Variants in ELOVL6 observed in about 807,000 individuals in gnomAD.
ELOVL6 encodes ELOVL fatty acid elongase 6, also known as very long chain fatty acid elongase 6.
ELOVL6 carries 8 observed loss-of-function variants against 31.7 expected under a neutral mutation model. That is an observed-to-expected ratio of 0.25 (90% CI 0.15 to 0.45). The LOEUF is 0.45. Among genes scored for constraint, ELOVL6 ranks in the 20% least tolerant of loss-of-function variants. The pLI is 1.00. For missense variants in ELOVL6, 126 were observed against 326.4 expected (o/e 0.39, Z 4.73); for synonymous variants, 101 against 117.7 (o/e 0.86, Z 0.92).
intron 2 of ELOVL6, among the ~76,000 whole-genome samples, chr4:110,071,643 CCA>C (rs1190459464): frequency 6.6e-6 from 1 of 152,124 alleles, no homozygotes; most frequent in Non-Finnish European, 1.5e-5. Context: ...AGCCTTCCCT[CCA>C]CAGTTTCCTC....
Position 110,084,391 on chromosome 4 carries a change from T to C in ELOVL6, c.221+21106A>G, listed in dbSNP as rs201386864. On this transcript the variant is annotated intron_variant, in intron 2 of 3. Coordinates refer to ENST00000302274, the MANE Select transcript of ELOVL6 (RefSeq NM_024090.3). ...TATGATATATGATATATATCGCATA[T>C]ATGATATATGATATATGACATACAT... is the stretch of plus-strand genomic sequence containing the variant. Among the ~76,000 whole-genome samples, 350 of 107,620 alleles carry C rather than the reference T, an allele frequency of 3.3e-3. 3 individuals are homozygous for C. Among genetic ancestry groups the C allele is most frequent in the African/African-American group, 7.7e-3 (216 of 28,188 alleles). 70.6% of individuals were successfully genotyped at this position (107,620 alleles called of 152,430 possible).
At chr4:110,117,903 A>AAAAATTAT in intron 1 of ELOVL6, 1 of 6,506 alleles carries the variant, frequency 1.5e-4, no homozygotes, top group African/African-American at 3.3e-4. Flanking sequence ...AAAAAAAAAA[A>AAAAATTAT]ATATATATAT....
At chr4:110,107,433 C>T (rs1216284930) in intron 1 of ELOVL6, among the ~76,000 whole-genome samples, 1 of 152,128 alleles carries the variant, frequency 6.6e-6, no homozygotes, top group Non-Finnish European at 1.5e-5. Context: ...CAAACACTAA[C>T]AGAAAGTTGT....
intron 2 of ELOVL6, among the ~76,000 whole-genome samples, chr4:110,078,629 A>G (rs1019322867): frequency 2.0e-5 from 3 of 152,242 alleles, no homozygotes; most frequent in African/African-American, 7.2e-5. Context: ...CAGCCACTGC[A>G]AAAACATGCC....
intron 1 of ELOVL6, among the ~76,000 whole-genome samples, chr4:110,143,621 A>G (rs886240508): frequency 6.6e-6 from 1 of 151,294 alleles, no homozygotes; most frequent in Non-Finnish European, 1.5e-5. Context: ...CAGACCTCCT[A>G]AAAAGGAACC....
Position 110,142,996 on chromosome 4 carries a change from G to T in ELOVL6, c.90-37368C>A, listed in dbSNP as rs144964776. ...GAATGGCCCTTTGCTTACTTCCACA[G>T]ATCCTTAAATCTACCAGTTAGAAGC... On this transcript the variant is annotated intron_variant, in intron 1 of 3. Coordinates refer to ENST00000302274, the MANE Select transcript of ELOVL6 (RefSeq NM_024090.3). 8.0e-3 allele frequency among the ~76,000 whole-genome samples: 1,221 copies of T among 152,212 alleles called. 5 individuals carry two copies. The highest frequency in any genetic ancestry group is 0.027 in the Middle Eastern group (8 of 292).
At chr4:110,121,103 T>C (rs1757346528) in intron 1 of ELOVL6, among the ~76,000 whole-genome samples, 1 of 152,184 alleles carries the variant, frequency 6.6e-6, no homozygotes, top group Non-Finnish European at 1.5e-5. Flanking sequence ...TGGGTGGATG[T>C]AAGCCAAGAC....
At chr4:110,154,680 A>C (rs2126266724) in intron 1 of ELOVL6, among the ~76,000 whole-genome samples, 1 of 152,338 alleles carries the variant, frequency 6.6e-6, no homozygotes, top group East Asian at 1.9e-4. Flanking sequence ...CATCAGACCC[A>C]AACCGAATTT....
At chr4:110,091,346 T>C (rs1756423057) in intron 2 of ELOVL6, among the ~76,000 whole-genome samples, 2 of 152,218 alleles carry the variant, frequency 1.3e-5, no homozygotes, top group Admixed American at 1.3e-4. Context: ...AGAGGTAGGC[T>C]GTCTGTTCAC....
chr4:110,123,285 C>T (rs1757403768), intron 1 of ELOVL6, among the ~76,000 whole-genome samples: 1 of 152,098 alleles, frequency 6.6e-6, no homozygotes, highest in South Asian at 2.1e-4. Flanking sequence ...TCTTATAGCT[C>T]TTTTCCCTTA....
At chr4:110,082,645 AATG>A (rs1476832425) in intron 2 of ELOVL6, among the ~76,000 whole-genome samples, 1 of 152,130 alleles carries the variant, frequency 6.6e-6, no homozygotes, top group Non-Finnish European at 1.5e-5. Flanking sequence ...CCTAATGTTA[AATG>A]ATGAGTTAAT....
intron 1 of ELOVL6, among the ~76,000 whole-genome samples, chr4:110,108,607 C>T (rs1199335476): frequency 6.6e-6 from 1 of 152,176 alleles, no homozygotes; most frequent in Non-Finnish European, 1.5e-5. Context: ...GCCCAATTTC[C>T]TCCTTCGACA....
At chr4:110,084,025 G>GTTATATAT (rs1560813569) in intron 2 of ELOVL6, among the ~76,000 whole-genome samples, 102 of 7,430 alleles carry the variant, frequency 0.014, 10 homozygotes, top group East Asian at 0.037. Flanking sequence ...TATAACATAT[G>GTTATATAT]CCATATATGG....
At chr4:110,063,463 TC>T (rs1755204731) in intron 2 of ELOVL6, among the ~76,000 whole-genome samples, 1 of 151,752 alleles carries the variant, frequency 6.6e-6, no homozygotes, top group Non-Finnish European at 1.5e-5. Flanking sequence ...CAGTTCCTGA[TC>T]CTGACTCTCA....
At chr4:110,058,492 A>G (rs1755054712) in intron 3 of ELOVL6, among the ~76,000 whole-genome samples, 1 of 152,196 alleles carries the variant, frequency 6.6e-6, no homozygotes. Context: ...TTCCAGTGGA[A>G]GGTGGCTGGG....
rs1560813471 is a variant in ELOVL6 at position 110,084,004 on chromosome 4, C to CAT, written c.221+21491_221+21492dup. 8.8e-3 allele frequency among the ~76,000 whole-genome samples: 76 copies of CAT among 8,614 alleles called. 10 individuals are homozygous for CAT. Among genetic ancestry groups the CAT allele is most frequent in the Middle Eastern group, 0.17 (1 of 6 alleles). 5.7% of individuals were successfully genotyped at this position (8,614 alleles called of 152,430 possible). On this transcript the variant is annotated intron_variant, in intron 2 of 3. Transcript: ENST00000302274. ...GCCATATACGATATATAACATATGCCATATATGGTATATAACATATGCCAT... is the reference window on the plus strand; with the variant it reads ...GCCATATACGATATATAACATATGCCATATATATGGTATATAACATATGCCAT...
chr4:110,158,677 T>TTTTTTTTTTTA (rs1758544972), intron 1 of ELOVL6, among the ~76,000 whole-genome samples: 2 of 104,000 alleles, frequency 1.9e-5, no homozygotes, highest in Non-Finnish European at 4.2e-5. Context: ...TTTTTTTTTT[T>TTTTTTTTTTTA]GAGACAGAAT....
chr4:110,164,260 CTG>C (rs900669728), intron 1 of ELOVL6, among the ~76,000 whole-genome samples: 4 of 152,146 alleles, frequency 2.6e-5, no homozygotes, highest in African/African-American at 9.7e-5. Context: ...AGAATTGAAA[CTG>C]TGTCTGAATC....
At chr4:110,166,841 T>C (rs1017519716) in intron 1 of ELOVL6, among the ~76,000 whole-genome samples, 1 of 152,210 alleles carries the variant, frequency 6.6e-6, no homozygotes, top group Non-Finnish European at 1.5e-5. Flanking sequence ...TCTTAGCACA[T>C]AGTGATTTTC....
Sources: allele counts gnomAD v4.1 joint callset (sites outside exome capture counted in the v4.1 genomes callset), GRCh38; gene constraint gnomAD v4.1.1; transcripts MANE v1.5; gene names NCBI Gene and HGNC (gene_info 2026-07-23, HGNC 2026-07-21).